SETD7: variants seen among roughly 807,000 people sequenced by gnomAD.
The protein encoded by SETD7 is SET domain containing 7, histone lysine methyltransferase.
A neutral mutation model predicts 41.8 loss-of-function variants in SETD7; 16 were observed. The observed-to-expected ratio is 0.38, with a 90% CI of 0.26 to 0.58. SETD7 has a LOEUF of 0.58. Ranked by LOEUF, SETD7 falls within the 20% of genes least tolerant of loss-of-function variation. The probability of loss-of-function intolerance (pLI) is 0.64; values close to 1 mark genes in which losing one functional copy is unlikely to be tolerated. For missense variants in SETD7, 346 were observed against 459.7 expected (o/e 0.75, Z 2.26); for synonymous variants, 163 against 169.7 (o/e 0.96, Z 0.31).
At chr4:139,535,085 T>C (rs17050810) in intron 2 of SETD7, among the ~76,000 whole-genome samples, 3,133 of 152,024 alleles carry the variant, frequency 0.021, 103 homozygotes, top group African/African-American at 0.072. Context: ...TCTAAAACAG[T>C]GAGGTTGGAA....
chr4:139,532,349 A>G (rs1001515100), intron 3 of SETD7, among the ~76,000 whole-genome samples: 9 of 152,180 alleles, frequency 5.9e-5, no homozygotes, highest in Admixed American at 5.2e-4. Context: ...TGAGGTGGGA[A>G]GATGGCTTGA....
At chr4:139,553,691 A>G (rs1479689028) in intron 1 of SETD7, among the ~76,000 whole-genome samples, 1 of 152,212 alleles carries the variant, frequency 6.6e-6, no homozygotes, top group Non-Finnish European at 1.5e-5. Flanking sequence ...TCTGTGAAAC[A>G]CTTAGCACAG....
At chr4:139,503,515 C>T (rs1022554691), downstream of SETD7, among the ~76,000 whole-genome samples, 4 of 151,962 alleles carry the variant, frequency 2.6e-5, no homozygotes, top group African/African-American at 9.7e-5. Context: ...GTAACAGTAC[C>T]TATATATATG....
At chr4:139,523,553 T>C (rs922267816) in intron 4 of SETD7, 118 bp from the exon 5 acceptor site, 2 of 624,244 alleles carry the variant, frequency 3.2e-6, no homozygotes, top group African/African-American at 3.6e-5. Context: ...AATCAAGTTA[T>C]ACCAACTAGA....
chr4:139,516,927 C>T (rs953698982), intron 7 of SETD7, among the ~76,000 whole-genome samples: 3 of 152,156 alleles, frequency 2.0e-5, no homozygotes, highest in African/African-American at 7.2e-5. Context: ...TCACCCCTCC[C>T]CAGCCCTAGG....
At chr4:139,517,736 A>G (rs1727066662) in intron 7 of SETD7, 149 bp downstream of exon 7, 4 of 722,738 alleles carry the variant, frequency 5.5e-6, no homozygotes, top group Non-Finnish European at 6.2e-6. Flanking sequence ...TTGAGTTTCA[A>G]GTCATAACCC....
intron 7 of SETD7, among the ~76,000 whole-genome samples, chr4:139,514,679 G>A (rs1342604449): frequency 6.6e-6 from 1 of 152,184 alleles, no homozygotes; most frequent in African/African-American, 2.4e-5. Flanking sequence ...ATCTAGCACA[G>A]CACCAGCCCG....
downstream of SETD7, among the ~76,000 whole-genome samples, chr4:139,502,270 A>G (rs1726595987): frequency 6.6e-6 from 1 of 152,268 alleles, no homozygotes; most frequent in African/African-American, 2.4e-5. Flanking sequence ...GACAATAAAC[A>G]ATCAACATAA....
chr4:139,512,000 G>T (rs561526988), intron 7 of SETD7, among the ~76,000 whole-genome samples, 157 bp from the exon 8 acceptor site: 5 of 152,252 alleles, frequency 3.3e-5, no homozygotes, highest in South Asian at 2.1e-4. Flanking sequence ...AGTTTCACCC[G>T]AGAGCTTATT....
rs1179668384 is a variant in SETD7 at position 139,555,144 on chromosome 4, G to T, written c.40+954C>A. On this transcript the variant is annotated intron_variant, in intron 1 of 7. Coordinates refer to ENST00000274031, the MANE Select transcript of SETD7 (RefSeq NM_030648.4). This position sits in a 1 kb window ranked among gnomAD's most constrained non-coding sequence, Gnocchi z 4.0. ...TAACATCCTATGATACAAACAACGAGATTGTATAACGTCCCCACATCGTTT... is the reference window on the plus strand; with the variant it reads ...TAACATCCTATGATACAAACAACGATATTGTATAACGTCCCCACATCGTTT... Among the ~76,000 whole-genome samples, 2 of 139,550 alleles carry T rather than the reference G, an allele frequency of 1.4e-5. No individual in the cohort carries two copies. The highest frequency in any genetic ancestry group is 5.5e-5 in the African/African-American group (2 of 36,534). The allele number at this position is 139,550 out of a possible 152,430, so 91.6% of individuals were successfully genotyped here. A position where few individuals can be genotyped will look rare whatever the true frequency, so the allele number is the denominator to read the frequency against.
In SETD7 at chr4:139,517,933, A is replaced by C. The variant is rs1298030405; in HGVS notation, c.872T>G (p.Leu291Trp). ...YNHVSKYCAS[L>W]GHKANHSFTP... ...GAAGGAGTGATTTGCCTTGTGTCCC[A>C]AGGAGGCACAGTACTTGGATACGTG... The change falls in exon 7 of 8, where the codon TTG (leucine) becomes TGG (tryptophan). Residue 291 changes from leucine to tryptophan, a missense_variant. This residue lies in a region of SETD7 where 266 missense variants were observed against 377.0 expected (regional missense o/e 0.71). Transcript: ENST00000274031. 6.2e-7 allele frequency: 1 copy of C among 1,613,946 alleles called. No homozygotes were observed. Among genetic ancestry groups the C allele is most frequent in the Non-Finnish European group, 8.5e-7 (1 of 1,179,904 alleles).
In SETD7 at chr4:139,544,275, G is replaced by A. The variant is rs576142207; in HGVS notation, c.170+2645C>T. On this transcript the variant is annotated intron_variant, in intron 2 of 7. Coordinates refer to ENST00000274031, the MANE Select transcript of SETD7 (RefSeq NM_030648.4). The stretch of plus-strand genomic sequence containing the variant: ...GGCACTGCACTCCAGCCTGGGCAAC[G>A]GAGTGAGAACCCATCTAAAATAAAA... Among the ~76,000 whole-genome samples the A allele has an allele frequency of 2.9e-5, 4 of 137,684 alleles. No individual in the cohort carries two copies. The South Asian group carries it at 9.2e-4, about 32-fold the overall frequency. The allele number at this position is 137,684 out of a possible 152,430, so 90.3% of individuals were successfully genotyped here.
Position 139,508,324 on chromosome 4 carries a change from A to T in SETD7, c.*3339T>A, listed in dbSNP as rs1726765641. Reference sequence around the variant, plus strand: ...TAATTTCCTTCTTAGTGTCTCAGGTAGATCAAGGATGAAGCAAGTTAAAAT... The same window carrying T: ...TAATTTCCTTCTTAGTGTCTCAGGTTGATCAAGGATGAAGCAAGTTAAAAT... On this transcript the variant is annotated 3_prime_UTR_variant, in exon 8 of 8. Transcript: ENST00000274031. The T allele has an allele frequency of 6.6e-6, 1 of 152,226 alleles. No individual in the cohort carries two copies. The highest frequency in any genetic ancestry group is 2.4e-5 in the African/African-American group (1 of 41,468). The allele number at this position is 152,226 out of a possible 1,614,324, so 9.4% of individuals were successfully genotyped here.
At chr4:139,526,600 T>C (rs1420632267) in intron 4 of SETD7, among the ~76,000 whole-genome samples, 1 of 152,142 alleles carries the variant, frequency 6.6e-6, no homozygotes, top group Non-Finnish European at 1.5e-5. Flanking sequence ...TTCTTATTTA[T>C]AGCAAGAAGA....
Position 139,506,792 on chromosome 4 carries a change from T to A in SETD7, c.*4871A>T, listed in dbSNP as rs1393917796. On this transcript the variant is annotated 3_prime_UTR_variant, in exon 8 of 8. Coordinates refer to ENST00000274031, the MANE Select transcript of SETD7 (RefSeq NM_030648.4). ...TAAGAGTCAGGAGAGTTGGGAGGTA[T>A]GTCCTAGGGATGTGATTGACTCTTG... The A allele has an allele frequency of 6.6e-6, 1 of 152,670 alleles. No individual in the cohort carries two copies. Among genetic ancestry groups the A allele is most frequent in the East Asian group, 1.9e-4 (1 of 5,202 alleles). 9.5% of individuals were successfully genotyped at this position (152,670 alleles called of 1,614,324 possible).
chr4:139,520,806 G>GT, intron 5 of SETD7, among the ~76,000 whole-genome samples: 2 of 152,310 alleles, frequency 1.3e-5, no homozygotes, highest in Middle Eastern at 6.8e-3. Context: ...AAAGGAGGCT[G>GT]TTTTAGTTAA....
Position 139,507,409 on chromosome 4 carries a change from G to C in SETD7, c.*4254C>G, listed in dbSNP as rs1726735898. The C allele has an allele frequency of 6.6e-6, 1 of 152,604 alleles. No individual in the cohort carries two copies. The highest frequency in any genetic ancestry group is 2.1e-4 in the South Asian group (1 of 4,836). The allele number at this position is 152,604 out of a possible 1,614,324, so 9.5% of individuals were successfully genotyped here. ...GCAACAACGCCGAGGAAGTTGCTGA[G>C]AGTCAGAGTTATTGTAGGCTTTTGA... On this transcript the variant is annotated 3_prime_UTR_variant, in exon 8 of 8. Transcript: ENST00000274031.
At chr4:139,513,143 G>T (rs1277695779) in intron 7 of SETD7, among the ~76,000 whole-genome samples, 1 of 151,572 alleles carries the variant, frequency 6.6e-6, no homozygotes, top group Non-Finnish European at 1.5e-5. Flanking sequence ...TTGGCGGCTG[G>T]ACATGGTGGC....
chr4:139,500,757 C>T (rs535331509), intron 7 of SETD7, among the ~76,000 whole-genome samples: 9 of 152,348 alleles, frequency 5.9e-5, no homozygotes, highest in South Asian at 4.1e-4. Flanking sequence ...GATCTGCCCA[C>T]CTCAGCCTCC....
Sources: allele counts gnomAD v4.1 joint callset (sites outside exome capture counted in the v4.1 genomes callset), GRCh38; gene constraint gnomAD v4.1.1; regional missense constraint gnomAD v4.1.1; non-coding constraint Gnocchi (gnomAD v3.1); transcripts MANE v1.5; gene names NCBI Gene and HGNC (gene_info 2026-07-23, HGNC 2026-07-21).